ZDHHC15: variants seen among roughly 807,000 people sequenced by gnomAD.
The protein encoded by ZDHHC15 is zDHHC palmitoyltransferase 15.
A neutral mutation model predicts 31.7 loss-of-function variants in ZDHHC15; 19 were observed. The ratio of observed to expected loss-of-function variants is 0.60; its 90% CI spans 0.42 to 0.88. The LOEUF is 0.88. Ranked by LOEUF, ZDHHC15 falls within the 40% of genes least tolerant of loss-of-function variation. ZDHHC15 has a pLI of 0.00. For synonymous variants in ZDHHC15, 103 were observed against 90.0 expected (o/e 1.14, Z -0.82); for missense variants, 209 against 251.2 (o/e 0.83, Z 1.14).
intron 4 of ZDHHC15, among the ~76,000 whole-genome samples, chrX:75,446,925 G>C (rs755508489): frequency 8.9e-6 from 1 of 111,760 alleles, no homozygotes; most frequent in African/African-American, 3.2e-5. Context: ...ACAAACATTT[G>C]AAAAATAGCA....
intron 1 of ZDHHC15, among the ~76,000 whole-genome samples, chrX:75,521,433 T>C (rs1018888134): frequency 9.1e-6 from 1 of 110,458 alleles, no homozygotes; most frequent in Admixed American, 9.8e-5. Context: ...GATGAGAGCA[T>C]TGCAAGGCCA....
intron 1 of ZDHHC15, among the ~76,000 whole-genome samples, chrX:75,509,646 G>A (rs1465629486): frequency 8.9e-6 from 1 of 112,222 alleles, no homozygotes; most frequent in Non-Finnish European, 1.9e-5. Flanking sequence ...CTTATTCTGT[G>A]ACCTTGGTTA....
chrX:75,484,412 G>A (rs752625860), intron 2 of ZDHHC15, among the ~76,000 whole-genome samples: 7 of 111,820 alleles, frequency 6.3e-5, no homozygotes, highest in East Asian at 2.8e-4. Context: ...CAGACACTTC[G>A]CATTAGAAGA....
chrX:75,402,292 A>G (rs1351865693), intron 10 of ZDHHC15, among the ~76,000 whole-genome samples: 1 of 111,870 alleles, frequency 8.9e-6, no homozygotes, highest in Admixed American at 9.5e-5. Context: ...AAAAGCTAGA[A>G]AGATCTCAAA....
At chrX:75,432,105 C>A (rs1405978956) in intron 4 of ZDHHC15, among the ~76,000 whole-genome samples, 1 of 111,767 alleles carries the variant, frequency 8.9e-6, no homozygotes, top group Non-Finnish European at 1.9e-5. Flanking sequence ...GTGACCTGTA[C>A]AGTTTTGATG....
rs761041383 is a variant in ZDHHC15, at chrX:75,475,343, T to C, written c.258+3548A>G. Among the ~76,000 whole-genome samples the C allele has an allele frequency of 1.3e-4, 15 of 111,919 alleles. No individual in the cohort carries two copies. The South Asian group carries it at 4.0e-3, about 30-fold the overall frequency. On this transcript the variant is annotated intron_variant, in intron 3 of 11. Transcript: ENST00000373367. ...CTCTGTGGATTTTTTTTCTAAGTTT[T>C]ATAATCCTAGCTCTTAAGTTTAGAT...
chrX:75,444,308 G>T lies in ZDHHC15; in HGVS notation c.379+6494C>A, dbSNP rs750165573. On this transcript the variant is annotated intron_variant, in intron 4 of 11. Transcript: ENST00000373367. ...CAGCCATAAAAAAGGATGAGTTCAT[G>T]TCCTTTGTAGGGACATGGATGAAGC... is the stretch of plus-strand genomic sequence containing the variant. Among the ~76,000 whole-genome samples, 7 of 108,905 alleles carry T rather than the reference G, an allele frequency of 6.4e-5. No homozygotes were observed. In the East Asian group the frequency reaches 2.0e-3, roughly 32 times the overall value. The allele number at this position is 108,905 out of a possible 115,157, so 94.6% of individuals were successfully genotyped here. A position where few individuals can be genotyped will look rare whatever the true frequency, so the allele number is the denominator to read the frequency against.
At chrX:75,514,235 GT>G (rs112017248) in intron 1 of ZDHHC15, among the ~76,000 whole-genome samples, 39 of 111,794 alleles carry the variant, frequency 3.5e-4, no homozygotes, top group African/African-American at 9.1e-4. Context: ...TGAGTTTTAC[GT>G]TTTTTTTAAC....
chrX:75,510,455 T>G (rs2085243857), intron 1 of ZDHHC15, among the ~76,000 whole-genome samples: 1 of 104,216 alleles, frequency 9.6e-6, no homozygotes, highest in Non-Finnish European at 2.0e-5. Context: ...AGAAACTTGG[T>G]TTCTAGAAAA....
chrX:75,394,952 C>T lies in ZDHHC15; in HGVS notation c.968-15754G>A, dbSNP rs772206040. Among the ~76,000 whole-genome samples, 5 of 112,116 alleles carry T rather than the reference C, an allele frequency of 4.5e-5. No homozygotes were observed. In the South Asian group the frequency reaches 1.9e-3, roughly 42 times the overall value. ...TTGGCACATGGATCATTCTGAAGAA[C>T]AGACCATATGTTAGATGACAAGTGT... On this transcript the variant is annotated intron_variant, in intron 10 of 11. Coordinates refer to ENST00000373367, the MANE Select transcript of ZDHHC15 (RefSeq NM_144969.3).
intron 1 of ZDHHC15, among the ~76,000 whole-genome samples, chrX:75,509,730 G>A (rs1464747752): frequency 8.9e-6 from 1 of 112,371 alleles, no homozygotes; most frequent in African/African-American, 3.2e-5. Flanking sequence ...TTGTTACAAG[G>A]ATTAAGTAAT....
intron 4 of ZDHHC15, among the ~76,000 whole-genome samples, chrX:75,447,200 G>A (rs747134706): frequency 2.7e-4 from 30 of 112,011 alleles, no homozygotes; most frequent in Non-Finnish European, 5.6e-4. Flanking sequence ...ATTCTCTGGG[G>A]TGATGAGCCA....
chrX:75,390,897 G>C (rs2083235567), intron 10 of ZDHHC15, among the ~76,000 whole-genome samples: 1 of 111,594 alleles, frequency 9.0e-6, no homozygotes, highest in Non-Finnish European at 1.9e-5. Context: ...CAATCTCAGA[G>C]AGACTGAGAT....
At chrX:75,503,768 G>T (rs946023541) in intron 2 of ZDHHC15, among the ~76,000 whole-genome samples, 2 of 111,278 alleles carry the variant, frequency 1.8e-5, no homozygotes, top group African/African-American at 6.5e-5. Context: ...CCACAAGCTG[G>T]GTGGCTTAAA....
At chrX:75,403,019 A>G (rs1165059806) in intron 10 of ZDHHC15, among the ~76,000 whole-genome samples, 1 of 112,149 alleles carries the variant, frequency 8.9e-6, no homozygotes, top group Non-Finnish European at 1.9e-5. Context: ...ATCCAGCAGC[A>G]TATCACCAAG....
Position 75,369,587 on chromosome X carries a change from G to T in ZDHHC15, c.*3391C>A, listed in dbSNP as rs867493733. ...AACATGGAGTGCATTCTTTACCTTG[G>T]CAATGTCTGCCCTGAGATTGGGCTC... is the stretch of plus-strand genomic sequence containing the variant. On this transcript the variant is annotated 3_prime_UTR_variant, in exon 12 of 12. Transcript: ENST00000373367. 4.7e-4 allele frequency: 52 copies of T among 111,564 alleles called. No individual in the cohort carries two copies. The highest frequency in any genetic ancestry group is 1.6e-3 in the African/African-American group (48 of 30,639). The allele number at this position is 111,564 out of a possible 1,213,427, so 9.2% of individuals were successfully genotyped here. A position where few individuals can be genotyped will look rare whatever the true frequency, so the allele number is the denominator to read the frequency against.
intron 3 of ZDHHC15, among the ~76,000 whole-genome samples, chrX:75,461,796 G>A (rs755210061): frequency 3.6e-5 from 4 of 111,876 alleles, no homozygotes; most frequent in Non-Finnish European, 5.6e-5. Flanking sequence ...AATATGGAAA[G>A]GGAAGACTGT....
rs541238663 is a variant in ZDHHC15, at chrX:75,383,734, G to GTTTTTT, written c.968-4537_968-4536insAAAAAA. ...ACTACCCCAAATTTAAGAAATGTTA[G>GTTTTTT]GTTTTTTTTTTTTTTTTTTTTTGAG... On this transcript the variant is annotated intron_variant, in intron 10 of 11. Coordinates refer to ENST00000373367, the MANE Select transcript of ZDHHC15 (RefSeq NM_144969.3). Among the ~76,000 whole-genome samples the GTTTTTT allele has an allele frequency of 7.5e-4, 58 of 77,784 alleles. 6 individuals carry two copies. The highest frequency in any genetic ancestry group is 0.014 in the Middle Eastern group (1 of 71). The allele number at this position is 77,784 out of a possible 115,157, so 67.5% of individuals were successfully genotyped here.
intron 6 of ZDHHC15, 71 bp downstream of exon 6, chrX:75,429,877 G>A: frequency 1.9e-6 from 2 of 1,056,757 alleles, no homozygotes; most frequent in South Asian, 4.2e-5. Context: ...TGACAACTAT[G>A]CTTAGAAAAG....
Sources: gnomAD v4.1 joint callset for allele counts (sites outside exome capture counted in the v4.1 genomes callset) on GRCh38, gnomAD v4.1.1 for gene constraint, MANE v1.5 for transcripts, NCBI Gene and HGNC (gene_info 2026-07-23, HGNC 2026-07-21) for gene names.